The following JAM2 variants were observed in gnomAD, a reference collection of about 807,000 sequenced individuals.
JAM2 encodes junctional adhesion molecule 2.
Under a neutral mutation model 42.0 loss-of-function variants are expected in JAM2, and 17 were observed. That is an observed-to-expected ratio of 0.40 (90% CI 0.28 to 0.61). The LOEUF (loss-of-function observed/expected upper bound fraction) is 0.61. Ranked by LOEUF, JAM2 falls within the 20% of genes least tolerant of loss-of-function variation. The pLI, the probability that JAM2 is intolerant of heterozygous loss-of-function variation, is 0.37. For missense variants in JAM2, 319 were observed against 358.3 expected, an observed-to-expected ratio of 0.89 and a Z score of 0.89; for synonymous variants, 118 against 128.6, an observed-to-expected ratio of 0.92 and a Z score of 0.56.
At chr21:25,682,892 C>T (rs2033667929) in intron 1 of JAM2, among the ~76,000 whole-genome samples, 1 of 152,090 alleles carries the variant, frequency 6.6e-6, no homozygotes, top group Admixed American at 6.6e-5. Flanking sequence ...TCGAACTCCT[C>T]TCGGTGTTCA....
chr21:25,665,937 G>C (rs1340235352), intron 1 of JAM2, among the ~76,000 whole-genome samples: 1 of 152,104 alleles, frequency 6.6e-6, no homozygotes, highest in Non-Finnish European at 1.5e-5. Context: ...CTACTCGGGA[G>C]GCTGAGGCAG....
intron 1 of JAM2, among the ~76,000 whole-genome samples, chr21:25,665,471 A>G (rs1363690429): frequency 6.6e-6 from 1 of 152,234 alleles, no homozygotes; most frequent in Non-Finnish European, 1.5e-5. Flanking sequence ...GGTTGTCCAG[A>G]CAAGTAGAAC....
Position 25,717,506 on chromosome 21 carries a change from G to T in JAM2, c.*2834G>T. ...TTGCTTTTCAATACAACTTTGCAAAGAACTTCCTTTTTCCACAGGTGGCTT... is the reference window on the plus strand; with the variant it reads ...TTGCTTTTCAATACAACTTTGCAAATAACTTCCTTTTTCCACAGGTGGCTT... On this transcript the variant is annotated 3_prime_UTR_variant, in exon 10 of 10. Transcript: ENST00000480456. 5.1e-6 allele frequency: 5 copies of T among 985,004 alleles called. No homozygotes were observed. The highest frequency in any genetic ancestry group is 6.9e-6 in the Non-Finnish European group (5 of 721,856). 61.0% of individuals were successfully genotyped at this position (985,004 alleles called of 1,614,324 possible). A position where few individuals can be genotyped will look rare whatever the true frequency, so the allele number is the denominator to read the frequency against.
At chr21:25,694,646 C>T (rs1039007461) in intron 4 of JAM2, among the ~76,000 whole-genome samples, 3 of 151,866 alleles carry the variant, frequency 2.0e-5, no homozygotes, top group Non-Finnish European at 4.4e-5. Flanking sequence ...GCCTGGGCAG[C>T]ATAGTGAGTC....
At chr21:25,651,837 T>C (rs2032791097) in intron 1 of JAM2, among the ~76,000 whole-genome samples, 1 of 152,310 alleles carries the variant, frequency 6.6e-6, no homozygotes, top group South Asian at 2.1e-4. Context: ...ATCTCCAAAA[T>C]ATAGTAAGTG....
At chr21:25,696,136 G>A (rs925669770) in intron 4 of JAM2, among the ~76,000 whole-genome samples, 4 of 152,184 alleles carry the variant, frequency 2.6e-5, no homozygotes, top group Admixed American at 6.5e-5. Context: ...CTGCAATCCC[G>A]GCACCTCGGG....
At chr21:25,701,279 A>G (rs1212259322) in intron 5 of JAM2, among the ~76,000 whole-genome samples, 2 of 152,338 alleles carry the variant, frequency 1.3e-5, no homozygotes, top group African/African-American at 4.8e-5. Context: ...AAAGAAAAAC[A>G]GGAAAACTTT....
chr21:25,661,143 T>A (rs983343305), intron 1 of JAM2, among the ~76,000 whole-genome samples: 1 of 152,132 alleles, frequency 6.6e-6, no homozygotes, highest in African/African-American at 2.4e-5. Flanking sequence ...CTGATTTTAC[T>A]TAAATCCCAT....
In JAM2 at chr21:25,639,693, C is replaced by A. The variant is rs1007948601; in HGVS notation, c.-129C>A. ...AACTGACATCCCATCTAGAGCCGTCCCTCCTCTTCCTCCCCTCCCGACTCT... is the reference window on the plus strand; with the variant it reads ...AACTGACATCCCATCTAGAGCCGTCACTCCTCTTCCTCCCCTCCCGACTCT... On this transcript the variant is annotated 5_prime_UTR_variant, in exon 1 of 10. Transcript: ENST00000480456. The A allele has an allele frequency of 3.6e-5, 22 of 602,744 alleles. No individual in the cohort carries two copies. The African/African-American group carries it at 3.7e-4, about 10-fold the overall frequency. 37.3% of individuals were successfully genotyped at this position (602,744 alleles called of 1,614,324 possible).
chr21:25,652,752 T>G (rs1211357610), intron 1 of JAM2, among the ~76,000 whole-genome samples: 2 of 152,244 alleles, frequency 1.3e-5, no homozygotes, highest in Non-Finnish European at 2.9e-5. Flanking sequence ...CTATTTGAAT[T>G]GAGTTTGAAC....
At chr21:25,673,784 T>C (rs1310321678) in intron 1 of JAM2, among the ~76,000 whole-genome samples, 1 of 152,196 alleles carries the variant, frequency 6.6e-6, no homozygotes, top group East Asian at 1.9e-4. Context: ...TCAATTGTCA[T>C]ATCTCTTGAT....
intron 1 of JAM2, among the ~76,000 whole-genome samples, chr21:25,642,292 T>G (rs964630749): frequency 2.6e-5 from 4 of 152,194 alleles, no homozygotes; most frequent in Admixed American, 6.5e-5. Flanking sequence ...GCATGGGAGA[T>G]GGGTCTCTCC....
chr21:25,666,498 T>C (rs1049066420), intron 1 of JAM2, among the ~76,000 whole-genome samples: 1 of 152,048 alleles, frequency 6.6e-6, no homozygotes, highest in East Asian at 1.9e-4. Context: ...CTAAGTTTTG[T>C]ATTTTTAGTA....
At position 25,655,684 on chromosome 21, in the gene JAM2, C is replaced by T. The variant is rs572344711; in HGVS notation, c.67+15796C>T. Among the ~76,000 whole-genome samples, 9 of 103,820 alleles carry T rather than the reference C, an allele frequency of 8.7e-5. No individual in the cohort carries two copies. The South Asian group carries it at 1.8e-3, about 21-fold the overall frequency. The allele number at this position is 103,820 out of a possible 152,430, so 68.1% of individuals were successfully genotyped here. On this transcript the variant is annotated intron_variant, in intron 1 of 9. Transcript: ENST00000480456. ...TTTTTTTTTTTTTTTTTAGTAGAGACGGGGTTTCACCCTGTTGGCCAGGCT... is the reference window on the plus strand; with the variant it reads ...TTTTTTTTTTTTTTTTTAGTAGAGATGGGGTTTCACCCTGTTGGCCAGGCT...
intron 5 of JAM2, among the ~76,000 whole-genome samples, chr21:25,700,423 C>T (rs2034141694): frequency 6.6e-6 from 1 of 152,138 alleles, no homozygotes; most frequent in African/African-American, 2.4e-5. Context: ...TGCATTGACG[C>T]AGTCTTGGCT....
chr21:25,689,869 C>G lies in JAM2; in HGVS notation c.137C>G (p.Ala46Gly). ...QVVTAVEYQE[A>G]ILACKTPKKT... ...GTATTTTTATTGTTGTTCCTAGAGG[C>G]TATTTTAGCCTGCAAAACCCCAAAG... The change falls in exon 3 of 10, where the codon GCT becomes GGT. Residue 46 changes from alanine (A) to glycine (G), a missense_variant. Physicochemically the swap from Ala to Gly is moderately conservative, Grantham distance 60. Coordinates refer to ENST00000480456, the MANE Select transcript of JAM2 (RefSeq NM_021219.4). 6.2e-7 allele frequency: 1 copy of G among 1,600,006 alleles called. No homozygotes were observed. Among genetic ancestry groups the G allele is most frequent in the Non-Finnish European group, 8.6e-7 (1 of 1,167,438 alleles).
chr21:25,667,652 C>G (rs927067037), intron 1 of JAM2, among the ~76,000 whole-genome samples: 4 of 152,126 alleles, frequency 2.6e-5, no homozygotes, highest in Admixed American at 2.6e-4. Context: ...GGTCTTGGAA[C>G]GTATCTCTCA....
At chr21:25,655,249 G>T (rs1277141928) in intron 1 of JAM2, among the ~76,000 whole-genome samples, 1 of 149,406 alleles carries the variant, frequency 6.7e-6, no homozygotes, top group Non-Finnish European at 1.5e-5. Flanking sequence ...ATTGTTTATT[G>T]TCTCTATTTT....
At chr21:25,684,278 A>G (rs2033701339) in intron 2 of JAM2, among the ~76,000 whole-genome samples, 1 of 152,202 alleles carries the variant, frequency 6.6e-6, no homozygotes, top group Non-Finnish European at 1.5e-5. Context: ...AGAAATGAAC[A>G]CTTCAAACTC....
Sources: allele counts gnomAD v4.1 joint callset (sites outside exome capture counted in the v4.1 genomes callset), GRCh38; gene constraint gnomAD v4.1.1; transcripts MANE v1.5; gene names NCBI Gene and HGNC (gene_info 2026-07-23, HGNC 2026-07-21).